ATP8B4: variants seen among roughly 807,000 people sequenced by gnomAD.
ATP8B4 encodes probable phospholipid-transporting ATPase IM.
Under a neutral mutation model 145.6 loss-of-function variants are expected in ATP8B4, and 133 were observed. That is an observed-to-expected ratio of 0.91 (90% CI 0.79 to 1.05). The LOEUF is 1.05. Ranked by LOEUF, ATP8B4 falls within the 50% of genes least tolerant of loss-of-function variation. The probability of loss-of-function intolerance (pLI) is 0.00; values close to 1 mark genes in which losing one functional copy is unlikely to be tolerated. For synonymous variants in ATP8B4, 507 were observed against 492.9 expected (o/e 1.03, Z -0.38); for missense variants, 1,458 against 1,425.2 (o/e 1.02, Z -0.37).
intron 16 of ATP8B4, among the ~76,000 whole-genome samples, chr15:49,929,196 G>C (rs989079080): frequency 6.6e-6 from 1 of 152,060 alleles, no homozygotes; most frequent in Admixed American, 6.6e-5. Context: ...GAAAACCTGG[G>C]TTCACATATC....
intron 2 of ATP8B4, among the ~76,000 whole-genome samples, chr15:50,101,163 T>G (rs1017499630): frequency 2.0e-5 from 3 of 152,174 alleles, no homozygotes; most frequent in Non-Finnish European, 4.4e-5. Flanking sequence ...AGAGATGAGA[T>G]GTACTGGGGA....
chr15:49,994,427 A>G (rs537737271), intron 9 of ATP8B4, among the ~76,000 whole-genome samples: 22 of 152,118 alleles, frequency 1.4e-4, no homozygotes, highest in African/African-American at 5.1e-4. Context: ...ATTTGTAACT[A>G]TTTATTTATT....
In ATP8B4 at chr15:50,066,337, A is replaced by C. The variant is rs561232197; in HGVS notation, c.87+7790T>G. On this transcript the variant is annotated intron_variant, in intron 3 of 27. Coordinates refer to ENST00000284509, the MANE Select transcript of ATP8B4 (RefSeq NM_024837.4). ...GCCACTGTTACTATGGTGATGCCCC[A>C]ATACAAAAAAGCAACAACTAACAAC... Among the ~76,000 whole-genome samples, 154 of 152,152 alleles carry C rather than the reference A, an allele frequency of 1.0e-3. 1 individual carries two copies. The highest frequency in any genetic ancestry group is 1.8e-3 in the Non-Finnish European group (123 of 68,024).
chr15:49,990,382 C>T (rs546130919), intron 9 of ATP8B4, among the ~76,000 whole-genome samples: 1 of 152,156 alleles, frequency 6.6e-6, no homozygotes, highest in Admixed American at 6.5e-5. Context: ...GTTTGGAGCA[C>T]AAAGTCATCT....
rs2055769232 is a variant in ATP8B4, at chr15:50,093,782, T to G, written c.28+13157A>C. Among the ~76,000 whole-genome samples, 3 of 152,076 alleles carry G rather than the reference T, an allele frequency of 2.0e-5. No individual in the cohort carries two copies. The South Asian group carries it at 6.2e-4, about 32-fold the overall frequency. On this transcript the variant is annotated intron_variant, in intron 2 of 27. Transcript: ENST00000284509. The stretch of plus-strand genomic sequence containing the variant: ...TAAAAAAATATTAAAGAATTTAAAG[T>G]AAAAAAATGTGAAAATATATAACAT...
At chr15:50,013,910 A>G (rs1172063214) in intron 6 of ATP8B4, among the ~76,000 whole-genome samples, 1 of 152,202 alleles carries the variant, frequency 6.6e-6, no homozygotes, top group Non-Finnish European at 1.5e-5. Flanking sequence ...TCTCCTTGAG[A>G]AAATGCAAGT....
At chr15:49,963,223 C>T (rs2044237908) in intron 13 of ATP8B4, among the ~76,000 whole-genome samples, 3 of 152,124 alleles carry the variant, frequency 2.0e-5, no homozygotes, top group African/African-American at 4.8e-5. Flanking sequence ...CAATGAGAAA[C>T]CACCTCACGC....
chr15:50,122,120 A>T (rs2057275945), upstream of ATP8B4, among the ~76,000 whole-genome samples: 1 of 152,210 alleles, frequency 6.6e-6, no homozygotes, highest in Non-Finnish European at 1.5e-5. Context: ...CTCTTGCCTA[A>T]CTGCCAAGAT....
chr15:49,860,546 A>T, intron 27 of ATP8B4, 71 bp from the exon 28 acceptor site: 1 of 1,465,808 alleles, frequency 6.8e-7, no homozygotes, highest in South Asian at 1.5e-5. Context: ...CCCACTTTGT[A>T]AAGTGAAAGC....
In ATP8B4 at chr15:49,917,359, G is replaced by C. The variant is rs1599122263; in HGVS notation, c.2036-320C>G. ...AAAATAAGATCTTGTGACATAATAT[G>C]TACAAATATAAAACCTTTGACCAGA... On this transcript the variant is annotated intron_variant, in intron 19 of 27. Coordinates refer to ENST00000284509, the MANE Select transcript of ATP8B4 (RefSeq NM_024837.4). 1.3e-5 allele frequency: 3 copies of C among 235,154 alleles called. No individual in the cohort carries two copies. In the East Asian group the frequency reaches 2.7e-4, roughly 21 times the overall value. The allele number at this position is 235,154 out of a possible 1,614,324, so 14.6% of individuals were successfully genotyped here.
chr15:50,010,857 G>A lies in ATP8B4; in HGVS notation c.423C>T (p.Asn141=), dbSNP rs778354697. The change falls in exon 7 of 28, where the codon AAC becomes AAT. Residue 141 remains asparagine (N), a synonymous_variant. Coordinates refer to ENST00000284509, the MANE Select transcript of ATP8B4 (RefSeq NM_024837.4). ...KVGDIIKLEN[N]QFVAADLLLL... is the part of the protein sequence containing the mutation. ...ATTGAATACTTACAGCAACAAATTG[G>A]TTATTTTCTAATTTAATGATGTCTC... 5.1e-6 allele frequency: 8 copies of A among 1,557,800 alleles called. No homozygotes were observed. The African/African-American group carries it at 7.0e-5, about 14-fold the overall frequency.
chr15:50,100,235 T>C (rs193246359), intron 2 of ATP8B4, among the ~76,000 whole-genome samples: 27 of 152,278 alleles, frequency 1.8e-4, no homozygotes, highest in Non-Finnish European at 3.2e-4. Context: ...TATTAAAGGC[T>C]GCAGACGTGA....
intron 20 of ATP8B4, among the ~76,000 whole-genome samples, chr15:49,903,787 G>T (rs1224510853): frequency 2.6e-5 from 4 of 152,104 alleles, no homozygotes; most frequent in Non-Finnish European, 5.9e-5. Flanking sequence ...CTAGCTACTC[G>T]GGAGGCTGAG....
intron 3 of ATP8B4, among the ~76,000 whole-genome samples, chr15:50,052,215 A>C (rs1567269828): frequency 6.6e-6 from 1 of 152,204 alleles, no homozygotes; most frequent in East Asian, 1.9e-4. Context: ...TTCATTCCAT[A>C]ATAAGGCACA....
chr15:50,034,791 G>A (rs2050712916), intron 6 of ATP8B4, among the ~76,000 whole-genome samples: 1 of 152,028 alleles, frequency 6.6e-6, no homozygotes, highest in African/African-American at 2.4e-5. Flanking sequence ...GACCTCTGCA[G>A]GAACTTTCAG....
At chr15:49,902,959 G>C (rs1340159457) in intron 20 of ATP8B4, among the ~76,000 whole-genome samples, 4 of 152,120 alleles carry the variant, frequency 2.6e-5, no homozygotes, top group Non-Finnish European at 5.9e-5. Flanking sequence ...TTCCAAAGAA[G>C]GGTGAAGTTC....
chr15:49,876,966 G>A (rs2034542447), intron 24 of ATP8B4, among the ~76,000 whole-genome samples: 1 of 152,224 alleles, frequency 6.6e-6, no homozygotes, highest in Admixed American at 6.5e-5. Context: ...GCAGAGAGCT[G>A]TGGAGTCAGA....
chr15:50,006,408 T>C (rs2048306732), intron 7 of ATP8B4, among the ~76,000 whole-genome samples: 1 of 144,644 alleles, frequency 6.9e-6, no homozygotes, highest in Non-Finnish European at 1.5e-5. Flanking sequence ...ATGGTTTACT[T>C]ACAGCAAATA....
At chr15:50,160,838 T>C (rs1017034740) in intron 1 of ATP8B4, among the ~76,000 whole-genome samples, 1 of 152,138 alleles carries the variant, frequency 6.6e-6, no homozygotes, top group African/African-American at 2.4e-5. Flanking sequence ...AGAAGGACTG[T>C]ATATTCTGTA....
Sources: allele counts gnomAD v4.1 joint callset (sites outside exome capture counted in the v4.1 genomes callset), GRCh38; gene constraint gnomAD v4.1.1; transcripts MANE v1.5; gene names NCBI Gene and HGNC (gene_info 2026-07-23, HGNC 2026-07-21).